Variants in TMEM25 observed in about 807,000 individuals in gnomAD.
TMEM25 encodes the protein transmembrane protein 25.
Under a neutral mutation model 37.0 loss-of-function variants are expected in TMEM25, and 36 were observed. The observed-to-expected ratio is 0.97, with a 90% CI of 0.75 to 1.28. The LOEUF (loss-of-function observed/expected upper bound fraction) is 1.28, where lower values mean the gene tolerates loss of function less well. TMEM25 is among the 50% of genes most tolerant of loss of function. The pLI is 0.00. For missense variants in TMEM25, 444 were observed against 477.9 expected (o/e 0.93, Z 0.66); for synonymous variants, 197 against 203.7 (o/e 0.97, Z 0.28).
Position 118,532,454 on chromosome 11 carries a change from T to C in TMEM25, c.375T>C (p.Asn125=). ...GRSANASVIL[N]VQFKPEIAQV... The stretch of plus-strand genomic sequence containing the variant: ...CAGCCAACGCCTCTGTCATCCTTAA[T>C]GTGCAATGTGAGTGGCCCTGAGGTG... Residue 125 remains asparagine, a synonymous_variant, in exon 3 of 9, where the codon AAT becomes AAC. Coordinates refer to ENST00000313236, the MANE Select transcript of TMEM25 (RefSeq NM_032780.4). The C allele has an allele frequency of 6.2e-7, 1 of 1,611,088 alleles. No homozygotes were observed. Among genetic ancestry groups the C allele is most frequent in the Non-Finnish European group, 8.5e-7 (1 of 1,177,854 alleles).
chr11:118,532,332 G>A lies in TMEM25; in HGVS notation c.253G>A (p.Glu85Lys), dbSNP rs782540962. 3.1e-6 allele frequency: 5 copies of A among 1,614,110 alleles called. No homozygotes were observed. The South Asian group carries it at 4.4e-5, about 14-fold the overall frequency. Reference sequence around the variant, plus strand: ...CTCAAGACTGCTGAGCGTGGGAGGGGAGGCCTTCTCTGGAGGCACCAGCAC... The same window carrying A: ...CTCAAGACTGCTGAGCGTGGGAGGGAAGGCCTTCTCTGGAGGCACCAGCAC... ...STSRLLSVGG[E>K]AFSGGTSTFT... Residue 85 changes from glutamate to lysine, a missense_variant, in exon 3 of 9, where the codon GAG becomes AAG. By Grantham distance (56) the Glu-to-Lys change is moderately conservative (BLOSUM62 1). Transcript: ENST00000313236.
chr11:118,541,890 T>TGG (rs1951583802), intron 8 of TMEM25, among the ~76,000 whole-genome samples: 3 of 152,186 alleles, frequency 2.0e-5, no homozygotes, highest in African/African-American at 7.2e-5. Flanking sequence ...CTCGAGTAGC[T>TGG]GGGACCACAG....
intron 8 of TMEM25, chr11:118,544,756 CAT>C: frequency 1.6e-6 from 1 of 612,206 alleles, no homozygotes; most frequent in South Asian, 2.0e-5. Context: ...ATTAAACAAA[CAT>C]GTTCTGTGCC....
At position 118,534,634 on chromosome 11, in the gene TMEM25, C is replaced by T. The variant is rs1479775399; in HGVS notation, c.*54C>T. The T allele has an allele frequency of 8.1e-6, 13 of 1,599,738 alleles. No individual in the cohort carries two copies. The highest frequency in any genetic ancestry group is 2.2e-5 in the East Asian group (1 of 44,566). On this transcript the variant is annotated 3_prime_UTR_variant, in exon 9 of 9. Coordinates refer to ENST00000313236, the MANE Select transcript of TMEM25 (RefSeq NM_032780.4). This position sits in a 1 kb window ranked among gnomAD's most constrained non-coding sequence, Gnocchi z 4.6. Reference sequence around the variant, plus strand: ...GGCCTCTGGACACCCTCCCGTTCCTCCAAGGCATCCTCTACCTAGCTAGGT... The same window carrying T: ...GGCCTCTGGACACCCTCCCGTTCCTTCAAGGCATCCTCTACCTAGCTAGGT...
chr11:118,534,269 T>C lies in TMEM25; in HGVS notation c.941T>C (p.Val314Ala). The C allele has an allele frequency of 6.2e-7, 1 of 1,614,120 alleles. No individual in the cohort carries two copies. Among genetic ancestry groups the C allele is most frequent in the Non-Finnish European group, 8.5e-7 (1 of 1,180,014 alleles). The change falls in exon 8 of 9, where the codon GTG becomes GCG. Residue 314 changes from valine to alanine, a missense_variant. Transcript: ENST00000313236. The surrounding 1 kb of genome is among the most constrained non-coding windows in gnomAD (Gnocchi z 4.6). ...LNDLTPDSRA[V>A]KPADRQMAQN... The stretch of plus-strand genomic sequence containing the variant: ...CACTGCCCTCTTTGTCAACCAGCAG[T>C]GAAACCAGCAGACCGGCAGATGGCT...
At position 118,531,242 on chromosome 11, in the gene TMEM25, G is replaced by A. The variant is rs1591329743; in HGVS notation, c.-28+8G>A. The A allele has an allele frequency of 7.5e-6, 3 of 401,488 alleles. No individual in the cohort carries two copies. Among genetic ancestry groups the A allele is most frequent in the African/African-American group, 2.2e-5 (1 of 46,216 alleles). 24.9% of individuals were successfully genotyped at this position (401,488 alleles called of 1,614,324 possible). On this transcript the variant is annotated splice_region_variant and intron_variant, in intron 1 of 8. Coordinates refer to ENST00000313236, the MANE Select transcript of TMEM25 (RefSeq NM_032780.4). The stretch of plus-strand genomic sequence containing the variant: ...GCTCGGGGAGGGAGCCAGGTGAGCC[G>A]CCCCGGTGGCGGGGGGCGGGGGCGG...
chr11:118,544,832 C>T, intron 8 of TMEM25: 1 of 955,654 alleles, frequency 1.0e-6, no homozygotes, highest in African/African-American at 1.6e-5. Flanking sequence ...TGGGCAAGGA[C>T]ATCAAGTAGC....
rs1316942659 is a variant in TMEM25, at chr11:118,535,706, T to C, written c.*1126T>C. 2.1e-6 allele frequency: 3 copies of C among 1,447,764 alleles called. No individual in the cohort carries two copies. Among genetic ancestry groups the C allele is most frequent in the Middle Eastern group, 1.8e-4 (1 of 5,612 alleles). The allele number at this position is 1,447,764 out of a possible 1,614,324, so 89.7% of individuals were successfully genotyped here. Reference sequence around the variant, plus strand: ...CTTTAAAAAGCAACATGTAAATGATTGGAAATTAATATAGTACAGAATATA... The same window carrying C: ...CTTTAAAAAGCAACATGTAAATGATCGGAAATTAATATAGTACAGAATATA... On this transcript the variant is annotated 3_prime_UTR_variant, in exon 9 of 9. Transcript: ENST00000313236.
At chr11:118,538,885 G>A (rs557680059), downstream of TMEM25, among the ~76,000 whole-genome samples, 1 of 140,786 alleles carries the variant, frequency 7.1e-6, no homozygotes, top group South Asian at 2.2e-4. Context: ...GAGTAAGGCC[G>A]TCTCAAAAAA....
chr11:118,543,099 C>G (rs1004605552), intron 8 of TMEM25, among the ~76,000 whole-genome samples: 1 of 151,710 alleles, frequency 6.6e-6, no homozygotes. Flanking sequence ...ACAAATTAGC[C>G]GGGTGTAGTG....
downstream of TMEM25, among the ~76,000 whole-genome samples, chr11:118,539,261 G>A (rs549561526): frequency 1.1e-3 from 149 of 138,164 alleles, no homozygotes; most frequent in African/African-American, 4.1e-3. Flanking sequence ...TCCACTTCCC[G>A]GGTTCAAGCG....
chr11:118,542,369 C>T (rs1951589356), intron 8 of TMEM25, among the ~76,000 whole-genome samples: 1 of 152,200 alleles, frequency 6.6e-6, no homozygotes, highest in African/African-American at 2.4e-5. Flanking sequence ...GCCCTCGTGA[C>T]CCAAACACCT....
chr11:118,536,521 C>T (rs1555063581), downstream of TMEM25, among the ~76,000 whole-genome samples: 3 of 152,140 alleles, frequency 2.0e-5, no homozygotes, highest in Non-Finnish European at 4.4e-5. Flanking sequence ...TGAAGTTTTC[C>T]AGTCTCACAG....
chr11:118,535,787 G>A lies in TMEM25; in HGVS notation c.*1207G>A, dbSNP rs1431631344. The A allele has an allele frequency of 2.5e-5, 32 of 1,297,304 alleles. No individual in the cohort carries two copies. Among genetic ancestry groups the A allele is most frequent in the African/African-American group, 3.0e-5 (2 of 66,020 alleles). The allele number at this position is 1,297,304 out of a possible 1,614,324, so 80.4% of individuals were successfully genotyped here. A position where few individuals can be genotyped will look rare whatever the true frequency, so the allele number is the denominator to read the frequency against. ...TGTTTTTCATGTTACTGCCTAGGGC[G>A]GTGCTGAGCACACAGCAAGTTTAAT... is the stretch of plus-strand genomic sequence containing the variant. On this transcript the variant is annotated 3_prime_UTR_variant, in exon 9 of 9. Transcript: ENST00000313236.
intron 8 of TMEM25, chr11:118,545,354 A>G: frequency 1.6e-6 from 2 of 1,285,256 alleles, no homozygotes; most frequent in Non-Finnish European, 1.1e-6. Context: ...TCAGAACAGT[A>G]GAAACTATAG....
Position 118,535,401 on chromosome 11 carries a change from G to C in TMEM25, c.*821G>C, listed in dbSNP as rs1591346225. 4.9e-6 allele frequency: 7 copies of C among 1,432,760 alleles called. No individual in the cohort carries two copies. Among genetic ancestry groups the C allele is most frequent in the African/African-American group, 2.9e-5 (2 of 69,692 alleles). 88.8% of individuals were successfully genotyped at this position (1,432,760 alleles called of 1,614,324 possible). ...ACTTTAAGCACATCCCCTAGGGGAG[G>C]GGGTGAGTGAGGGGCCCAGAGCCCT... On this transcript the variant is annotated 3_prime_UTR_variant, in exon 9 of 9. Transcript: ENST00000313236.
intron 8 of TMEM25, among the ~76,000 whole-genome samples, chr11:118,543,528 C>T (rs1951609901): frequency 6.6e-6 from 1 of 152,100 alleles, no homozygotes; most frequent in Non-Finnish European, 1.5e-5. Context: ...TGCTCTGTTG[C>T]CCAGGCTGGA....
Position 118,535,549 on chromosome 11 carries a change from T to C in TMEM25, c.*969T>C. ...CGGGACCCCAGCCCTGACCAACCCATGGTTGCCTCATCAGCAGGAAGGTGC... is the reference window on the plus strand; with the variant it reads ...CGGGACCCCAGCCCTGACCAACCCACGGTTGCCTCATCAGCAGGAAGGTGC... On this transcript the variant is annotated 3_prime_UTR_variant, in exon 9 of 9. Coordinates refer to ENST00000313236, the MANE Select transcript of TMEM25 (RefSeq NM_032780.4). 1.3e-6 allele frequency: 2 copies of C among 1,535,794 alleles called. No individual in the cohort carries two copies. The highest frequency in any genetic ancestry group is 1.7e-6 in the Non-Finnish European group (2 of 1,146,738).
chr11:118,542,920 CAAACA>C (rs782663467), intron 8 of TMEM25, among the ~76,000 whole-genome samples: 127 of 150,878 alleles, frequency 8.4e-4, no homozygotes, highest in Non-Finnish European at 1.5e-3. Context: ...CTCAAACAAA[CAAACA>C]AAACAAAACA....
Sources: allele counts gnomAD v4.1 joint callset (sites outside exome capture counted in the v4.1 genomes callset), GRCh38; gene constraint gnomAD v4.1.1; non-coding constraint Gnocchi (gnomAD v3.1); transcripts MANE v1.5; gene names NCBI Gene and HGNC (gene_info 2026-07-23, HGNC 2026-07-21).